Variants in REPS2 observed in about 807,000 individuals in gnomAD.
The protein encoded by REPS2 is RALBP1 associated Eps domain containing 2.
REPS2 carries 23 observed loss-of-function variants against 53.6 expected under a neutral mutation model. That is an observed-to-expected ratio of 0.43 (90% CI 0.31 to 0.61). The LOEUF (loss-of-function observed/expected upper bound fraction) is 0.61, where lower values mean the gene tolerates loss of function less well. REPS2 is among the 20% of genes least tolerant of loss of function. REPS2 has a pLI of 0.11. For missense variants in REPS2, 446 were observed against 534.9 expected (o/e 0.83, Z 1.64); for synonymous variants, 238 against 218.6 (o/e 1.09, Z -0.78).
chrX:17,118,654 A>G (rs1276678850), intron 14 of REPS2, among the ~76,000 whole-genome samples: 1 of 112,178 alleles, frequency 8.9e-6, no homozygotes, highest in Non-Finnish European at 1.9e-5. Context: ...TTCATTATAC[A>G]TCACAAAAAT....
intron 13 of REPS2, among the ~76,000 whole-genome samples, chrX:17,089,204 C>A (rs1348850341): frequency 9.0e-6 from 1 of 110,599 alleles, no homozygotes; most frequent in Non-Finnish European, 1.9e-5. Context: ...TATCTATTTT[C>A]TTTTTTTAAT....
chrX:16,963,807 G>A (rs2060696529), intron 1 of REPS2, among the ~76,000 whole-genome samples: 1 of 111,194 alleles, frequency 9.0e-6, no homozygotes, highest in Non-Finnish European at 1.9e-5. Flanking sequence ...AAACCAAGAA[G>A]TAGGAAGTGG....
chrX:17,097,971 TCA>T (rs2062728616), intron 13 of REPS2, among the ~76,000 whole-genome samples: 1 of 111,470 alleles, frequency 9.0e-6, no homozygotes, highest in Admixed American at 9.6e-5. Context: ...TATTTGATAT[TCA>T]AGAAAAAATT....
intron 2 of REPS2, among the ~76,000 whole-genome samples, chrX:17,019,183 G>C (rs960804891): frequency 8.9e-6 from 1 of 112,134 alleles, no homozygotes; most frequent in Non-Finnish European, 1.9e-5. Flanking sequence ...AGAGGGTCAA[G>C]TGTTTAAAAA....
At chrX:17,084,079 C>G (rs759593881) in intron 13 of REPS2, among the ~76,000 whole-genome samples, 1 of 108,275 alleles carries the variant, frequency 9.2e-6, no homozygotes. Context: ...CCCATTCCCC[C>G]CTTTTCTTCC....
chrX:17,181,704 G>A, the REPS2 span, among the ~76,000 whole-genome samples: 3 of 112,379 alleles, frequency 2.7e-5, no homozygotes, highest in South Asian at 1.1e-3. Flanking sequence ...CATACAAATA[G>A]GTACTCAATA....
intron 13 of REPS2, chrX:17,100,255 A>G (rs1603017419): frequency 1.2e-5 from 7 of 570,490 alleles, no homozygotes; most frequent in Middle Eastern, 5.2e-4. Flanking sequence ...TTTCCACCAC[A>G]TATTCCTGTT....
At chrX:16,972,680 G>A (rs1488443688) in intron 1 of REPS2, among the ~76,000 whole-genome samples, 1 of 111,245 alleles carries the variant, frequency 9.0e-6, no homozygotes, top group Non-Finnish European at 1.9e-5. Context: ...GTAGATTTAA[G>A]TCTTAAAAAC....
intron 17 of REPS2, among the ~76,000 whole-genome samples, chrX:17,146,706 T>C (rs191919040): frequency 1.1e-4 from 12 of 111,760 alleles, no homozygotes; most frequent in Admixed American, 2.8e-4. Flanking sequence ...ATACTGACTA[T>C]TAGTATGCTG....
chrX:17,184,535 T>C, the REPS2 span, among the ~76,000 whole-genome samples: 4 of 108,334 alleles, frequency 3.7e-5, no homozygotes, highest in East Asian at 1.2e-3. Flanking sequence ...GTCCTTTGGG[T>C]ATATACCCAG....
At chrX:17,165,210 G>A in the REPS2 span, among the ~76,000 whole-genome samples, 6 of 112,052 alleles carry the variant, frequency 5.4e-5, no homozygotes, top group Non-Finnish European at 3.8e-5. Flanking sequence ...TGGATCTATT[G>A]AATCAGTCAG....
chrX:16,976,177 G>A (rs186448489), intron 1 of REPS2, among the ~76,000 whole-genome samples: 21 of 111,502 alleles, frequency 1.9e-4, no homozygotes, highest in African/African-American at 6.5e-4. Flanking sequence ...TTTGACTTTT[G>A]CTCCCAGATC....
intron 1 of REPS2, among the ~76,000 whole-genome samples, chrX:16,970,539 A>C (rs1282173351): frequency 8.9e-6 from 1 of 112,347 alleles, no homozygotes; most frequent in Non-Finnish European, 1.9e-5. Context: ...TTGAGATGTA[A>C]TTCACATACC....
rs186607174 is a variant in REPS2, at chrX:17,023,530, G to A, written c.546+1259G>A. On this transcript the variant is annotated intron_variant, in intron 3 of 17. Coordinates refer to ENST00000357277, the MANE Select transcript of REPS2 (RefSeq NM_004726.3). ...TAACTTCTGTGACTTACCCTGTGAT[G>A]TTGTGTAGATGAGGTGTTGCTACAG... 3.4e-4 allele frequency among the ~76,000 whole-genome samples: 38 copies of A among 111,845 alleles called. 1 individual carries two copies. The highest frequency in any genetic ancestry group is 2.6e-3 in the Admixed American group (28 of 10,577).
intron 6 of REPS2, among the ~76,000 whole-genome samples, chrX:17,050,198 T>TCTTTTCTTTTCTTTTCTTTTC (rs1185481723): frequency 4.4e-5 from 1 of 22,960 alleles, no homozygotes; most frequent in Non-Finnish European, 7.1e-5. Context: ...TTCTTTCTTT[T>TCTTTTCTTTTCTTTTCTTTTC]TTTTTTTTTT....
rs778213563 is a variant in REPS2, at chrX:17,134,542, T to C, written c.1662+635T>C. On this transcript the variant is annotated intron_variant, in intron 15 of 17. Coordinates refer to ENST00000357277, the MANE Select transcript of REPS2 (RefSeq NM_004726.3). ...ATACACTGTGGCTCTTTTTCTTGAC[T>C]TTATGTAGGAATTGGGGATAGGAGA... 1.4e-4 allele frequency among the ~76,000 whole-genome samples: 16 copies of C among 112,268 alleles called. No individual in the cohort carries two copies. The South Asian group carries it at 6.0e-3, about 42-fold the overall frequency.
chrX:17,127,191 AC>A lies in REPS2; in HGVS notation c.1579-6630del, dbSNP rs2063224759. ...CTGGGTAGCTCTTAAGTCAGCCCGA[AC>A]CCATTCCTACCAACCTGGCCTACAT... On this transcript the variant is annotated intron_variant, in intron 14 of 17. Coordinates refer to ENST00000357277, the MANE Select transcript of REPS2 (RefSeq NM_004726.3). Among the ~76,000 whole-genome samples, 5 of 112,085 alleles carry A rather than the reference AC, an allele frequency of 4.5e-5. No homozygotes were observed. In the South Asian group the frequency reaches 1.9e-3, roughly 42 times the overall value.
intron 1 of REPS2, among the ~76,000 whole-genome samples, chrX:16,998,483 G>A (rs897913026): frequency 8.9e-6 from 1 of 111,792 alleles, no homozygotes; most frequent in African/African-American, 3.3e-5. Flanking sequence ...TGCTTTCTGT[G>A]CACCTTGCTT....
intron 13 of REPS2, among the ~76,000 whole-genome samples, chrX:17,089,297 A>G (rs373246213): frequency 8.1e-5 from 9 of 111,521 alleles, no homozygotes; most frequent in African/African-American, 2.3e-4. Context: ...AGCTTCAACA[A>G]TTAATCAACT....
Sources: gnomAD v4.1 joint callset for allele counts (sites outside exome capture counted in the v4.1 genomes callset) on GRCh38, gnomAD v4.1.1 for gene constraint, MANE v1.5 for transcripts, NCBI Gene and HGNC (gene_info 2026-07-23, HGNC 2026-07-21) for gene names.